Variants in RBFOX1 observed in about 807,000 individuals in gnomAD.
RBFOX1 encodes the protein RNA binding fox-1 homolog 1.
Under a neutral mutation model 57.7 loss-of-function variants are expected in RBFOX1, and 8 were observed. The ratio of observed to expected loss-of-function variants is 0.14; its 90% CI spans 0.08 to 0.25. The LOEUF (loss-of-function observed/expected upper bound fraction) is 0.25. Among genes scored for constraint, RBFOX1 ranks in the 10% least tolerant of loss-of-function variants. RBFOX1 has a pLI of 1.00. For synonymous variants in RBFOX1, 326 were observed against 222.4 expected (o/e 1.47, Z -4.15); for missense variants, 611 against 548.5 (o/e 1.11, Z -1.14).
At chr16:5,607,404 C>T (rs1421113325) in intron 3 of RBFOX1, among the ~76,000 whole-genome samples, 2 of 146,054 alleles carry the variant, frequency 1.4e-5, no homozygotes, top group Non-Finnish European at 3.0e-5. Flanking sequence ...ACAGATAGCG[C>T]AGGGTCTGCC....
chr16:6,812,434 C>T (rs1270140156), intron 3 of RBFOX1, among the ~76,000 whole-genome samples: 2 of 152,008 alleles, frequency 1.3e-5, no homozygotes, highest in Admixed American at 6.6e-5. Flanking sequence ...AGTGCAGTGG[C>T]CCGATCTCGG....
At chr16:6,581,904 C>G (rs991245989) in intron 2 of RBFOX1, among the ~76,000 whole-genome samples, 1 of 152,178 alleles carries the variant, frequency 6.6e-6, no homozygotes, top group African/African-American at 2.4e-5. Context: ...TTTTCTTTTG[C>G]CCTAGGCATT....
rs527298784 is a variant in RBFOX1 at position 5,477,457 on chromosome 16, C to A, written c.258+10203C>A. On this transcript the variant is annotated intron_variant, in intron 2 of 2. Transcript: ENST00000585867. ...CCCCTCCTGGGGACAGGCTGCCTTT[C>A]CTACCAGGTGGCCCAGACTGTCACT... Among the ~76,000 whole-genome samples the A allele has an allele frequency of 2.0e-5, 3 of 152,300 alleles. No homozygotes were observed. The East Asian group carries it at 5.8e-4, about 29-fold the overall frequency.
intron 3 of RBFOX1, among the ~76,000 whole-genome samples, chr16:7,004,777 T>C (rs951577716): frequency 5.3e-5 from 8 of 152,144 alleles, no homozygotes; most frequent in African/African-American, 1.9e-4. Flanking sequence ...CTGTACCAGA[T>C]TAAGATAACC....
At chr16:6,385,067 A>G (rs2092150020) in intron 2 of RBFOX1, among the ~76,000 whole-genome samples, 1 of 152,194 alleles carries the variant, frequency 6.6e-6, no homozygotes, top group South Asian at 2.1e-4. Context: ...TTGGTCTTCC[A>G]AAGCTTTTCA....
chr16:5,836,716 C>T (rs1242018348), intron 3 of RBFOX1, among the ~76,000 whole-genome samples: 1 of 152,170 alleles, frequency 6.6e-6, no homozygotes, highest in East Asian at 1.9e-4. Context: ...TCAGCAGCAT[C>T]CCTGGCCTCT....
intron 1 of RBFOX1, among the ~76,000 whole-genome samples, chr16:6,085,650 TTGTG>T (rs71142678): frequency 6.0e-5 from 9 of 150,592 alleles, no homozygotes; most frequent in Admixed American, 1.3e-4. Context: ...CAGTGTGTGT[TTGTG>T]TGTGTGTGTG....
At chr16:5,449,177 C>T (rs772876472) in intron 1 of RBFOX1, among the ~76,000 whole-genome samples, 3 of 152,160 alleles carry the variant, frequency 2.0e-5, no homozygotes, top group Non-Finnish European at 4.4e-5. Context: ...TGCCCAAAGC[C>T]CCACTCCCGA....
intron 3 of RBFOX1, among the ~76,000 whole-genome samples, chr16:5,676,802 C>T (rs76922011): frequency 0.023 from 3,519 of 152,060 alleles, 139 homozygotes; most frequent in African/African-American, 0.079. Context: ...ACAAAGGTTG[C>T]AGTGATCCGA....
chr16:5,660,337 C>T (rs2049603943), intron 3 of RBFOX1, among the ~76,000 whole-genome samples: 1 of 152,158 alleles, frequency 6.6e-6, no homozygotes, highest in South Asian at 2.1e-4. Context: ...ACTCTCCTCT[C>T]CCTCGCGTTT....
chr16:6,231,448 T>A (rs951816397), intron 1 of RBFOX1, among the ~76,000 whole-genome samples: 1 of 152,136 alleles, frequency 6.6e-6, no homozygotes, highest in Non-Finnish European at 1.5e-5. Context: ...TATATAAAGA[T>A]AAGGATAGGG....
At chr16:6,844,835 C>T (rs561774078) in intron 3 of RBFOX1, among the ~76,000 whole-genome samples, 2 of 152,260 alleles carry the variant, frequency 1.3e-5, no homozygotes, top group East Asian at 1.9e-4. Flanking sequence ...TCTCCATAAC[C>T]TTGCCAGCAC....
intron 2 of RBFOX1, among the ~76,000 whole-genome samples, chr16:6,426,636 TC>T (rs1208008444): frequency 6.6e-6 from 1 of 151,826 alleles, no homozygotes; most frequent in Non-Finnish European, 1.5e-5. Context: ...GTCTCAAAAA[TC>T]AAAACAAACC....
chr16:6,345,512 C>T (rs896749539), intron 2 of RBFOX1, among the ~76,000 whole-genome samples: 1 of 152,116 alleles, frequency 6.6e-6, no homozygotes, highest in Non-Finnish European at 1.5e-5. Context: ...CCTGTTTTAG[C>T]GAGTCCTCTA....
chr16:6,451,989 T>C (rs1199507825), intron 2 of RBFOX1, among the ~76,000 whole-genome samples: 3 of 150,350 alleles, frequency 2.0e-5, no homozygotes, highest in African/African-American at 7.4e-5. Flanking sequence ...ACTCTATCCA[T>C]GGTTCCATCC....
At chr16:5,255,018 G>C (rs372802551) in intron 1 of RBFOX1, among the ~76,000 whole-genome samples, 1 of 152,140 alleles carries the variant, frequency 6.6e-6, no homozygotes, top group Non-Finnish European at 1.5e-5. Flanking sequence ...TGGCAGTAAC[G>C]TGACACAGCC....
At chr16:5,667,136 C>T (rs2049872802) in intron 3 of RBFOX1, among the ~76,000 whole-genome samples, 1 of 152,012 alleles carries the variant, frequency 6.6e-6, no homozygotes, top group African/African-American at 2.4e-5. Flanking sequence ...ATGGGTATAC[C>T]CCAGTGTTTT....
intron 1 of RBFOX1, among the ~76,000 whole-genome samples, chr16:5,308,560 C>A (rs1267459235): frequency 3.9e-5 from 6 of 152,112 alleles, no homozygotes; most frequent in Non-Finnish European, 8.8e-5. Context: ...ACCCATGTCT[C>A]CCCTTCCTTT....
intron 1 of RBFOX1, among the ~76,000 whole-genome samples, chr16:5,326,906 A>G (rs2064590722): frequency 6.6e-6 from 1 of 152,206 alleles, no homozygotes; most frequent in African/African-American, 2.4e-5. Flanking sequence ...TCATTAATTC[A>G]TTTGTCCAAT....
Sources: gnomAD v4.1 joint callset for allele counts (sites outside exome capture counted in the v4.1 genomes callset) on GRCh38, gnomAD v4.1.1 for gene constraint, MANE v1.5 for transcripts, NCBI Gene and HGNC (gene_info 2026-07-23, HGNC 2026-07-21) for gene names.